The following AKT3 variants were observed in gnomAD, a reference collection of about 807,000 sequenced individuals.
AKT3 encodes the protein AKT serine/threonine kinase 3.
AKT3 carries 15 observed loss-of-function variants against 65.3 expected under a neutral mutation model. The observed-to-expected ratio is 0.23, with a 90% CI of 0.15 to 0.35. The LOEUF (loss-of-function observed/expected upper bound fraction) is 0.35, where lower values mean the gene tolerates loss of function less well. AKT3 is among the 10% of genes least tolerant of loss of function. The pLI, the probability that AKT3 is intolerant of heterozygous loss-of-function variation, is 1.00. For missense variants in AKT3, 243 were observed against 576.5 expected, an observed-to-expected ratio of 0.42 and a Z score of 5.92; for synonymous variants, 206 against 183.8, an observed-to-expected ratio of 1.12 and a Z score of -0.98.
Position 243,554,303 on chromosome 1 carries a change from C to T in AKT3, c.949-1360G>A, listed in dbSNP as rs187106786. On this transcript the variant is annotated intron_variant, in intron 10 of 13. Coordinates refer to ENST00000673466, the MANE Select transcript of AKT3 (RefSeq NM_005465.7). ...TTCAATTATATCAATGTTTGTTTTACGGCTAAAAAACTGAAAACTTCACTG... is the reference window on the plus strand; with the variant it reads ...TTCAATTATATCAATGTTTGTTTTATGGCTAAAAAACTGAAAACTTCACTG... Among the ~76,000 whole-genome samples the T allele has an allele frequency of 1.2e-4, 19 of 152,110 alleles. No individual in the cohort carries two copies. The East Asian group carries it at 1.9e-3, about 15-fold the overall frequency.
chr1:243,833,208 CACCACTGCACTTCAGCCTGGG>C (rs1694648652), intron 2 of AKT3, among the ~76,000 whole-genome samples: 2 of 152,138 alleles, frequency 1.3e-5, no homozygotes, highest in Admixed American at 1.3e-4. Context: ...GCCAAGATCA[CACCACTGCACTTCAGCCTGGG>C]TGATAGAGCA....
At chr1:243,835,757 G>C (rs943220788) in intron 2 of AKT3, among the ~76,000 whole-genome samples, 1 of 152,020 alleles carries the variant, frequency 6.6e-6, no homozygotes, top group Non-Finnish European at 1.5e-5. Flanking sequence ...AATGCATACT[G>C]TTAGTGGAAT....
At chr1:243,727,045 T>C (rs1440124189) in intron 2 of AKT3, among the ~76,000 whole-genome samples, 1 of 152,132 alleles carries the variant, frequency 6.6e-6, no homozygotes, top group Non-Finnish European at 1.5e-5. Context: ...ATTCCTTCCA[T>C]ACCCCCAGGT....
intron 13 of AKT3, among the ~76,000 whole-genome samples, chr1:243,508,571 T>C (rs1449850857): frequency 6.6e-6 from 1 of 151,956 alleles, no homozygotes; most frequent in African/African-American, 2.4e-5. Context: ...ACAGATGACA[T>C]TGCTGGGCTC....
downstream of AKT3, among the ~76,000 whole-genome samples, chr1:243,497,876 C>T (rs1357247856): frequency 6.6e-6 from 1 of 152,074 alleles, no homozygotes; most frequent in Non-Finnish European, 1.5e-5. Context: ...GAGATGAGGT[C>T]TCACTATGTT....
chr1:243,695,737 T>C, intron 2 of AKT3, 21 bp from the exon 3 acceptor site: 8 of 1,562,038 alleles, frequency 5.1e-6, no homozygotes, highest in African/African-American at 1.4e-5. Flanking sequence ...AAAGCACGCA[T>C]GTTAATGCTG....
Position 243,501,708 on chromosome 1 carries a change from A to C in AKT3, c.*3541T>G, listed in dbSNP as rs1373623366. 1 of 232,906 alleles carries C rather than the reference A, an allele frequency of 4.3e-6. No individual in the cohort carries two copies. Among genetic ancestry groups the C allele is most frequent in the East Asian group, 6.0e-5 (1 of 16,532 alleles). 14.4% of individuals were successfully genotyped at this position (232,906 alleles called of 1,614,324 possible). ...ATTAAAAATCATGTTTTCATTAAAGAAGATTTAATTTGGGGGGATTATAGA... is the reference window on the plus strand; with the variant it reads ...ATTAAAAATCATGTTTTCATTAAAGCAGATTTAATTTGGGGGGATTATAGA... On this transcript the variant is annotated 3_prime_UTR_variant, in exon 14 of 14. Transcript: ENST00000673466.
chr1:243,795,063 T>C (rs1691867683), intron 2 of AKT3, among the ~76,000 whole-genome samples: 1 of 152,166 alleles, frequency 6.6e-6, no homozygotes, highest in Non-Finnish European at 1.5e-5. Context: ...TTTTAAAGTT[T>C]TCTTTTGATC....
At chr1:243,645,357 G>T (rs977746468) in intron 5 of AKT3, among the ~76,000 whole-genome samples, 22 of 151,852 alleles carry the variant, frequency 1.4e-4, no homozygotes, top group African/African-American at 4.8e-4. Flanking sequence ...ATATAAATTC[G>T]TACTTATTAT....
chr1:243,517,356 A>G lies in AKT3; in HGVS notation c.1252-4930T>C, dbSNP rs578203224. On this transcript the variant is annotated intron_variant, in intron 12 of 13. Transcript: ENST00000673466. Reference sequence around the variant, plus strand: ...CTGATAGTATTGCCCAAGTTGCTATATAACCTTACCAATTTCTCTCCAATT... The same window carrying G: ...CTGATAGTATTGCCCAAGTTGCTATGTAACCTTACCAATTTCTCTCCAATT... 9.7e-4 allele frequency among the ~76,000 whole-genome samples: 147 copies of G among 152,330 alleles called. 1 individual carries two copies. Among genetic ancestry groups the G allele is most frequent in the African/African-American group, 3.5e-3 (144 of 41,580 alleles).
At chr1:243,667,766 T>A (rs1398487706) in intron 3 of AKT3, among the ~76,000 whole-genome samples, 5 of 152,206 alleles carry the variant, frequency 3.3e-5, no homozygotes, top group Non-Finnish European at 2.9e-5. Context: ...TCCTACGTGA[T>A]CTGACCCTCC....
intron 2 of AKT3, among the ~76,000 whole-genome samples, chr1:243,720,333 G>T (rs920851834): frequency 1.3e-5 from 2 of 149,792 alleles, no homozygotes; most frequent in Non-Finnish European, 3.0e-5. Context: ...AATAAAAATG[G>T]TTAAAAATGG....
At chr1:243,539,163 C>G (rs545741891) in intron 12 of AKT3, among the ~76,000 whole-genome samples, 1 of 152,134 alleles carries the variant, frequency 6.6e-6, no homozygotes, top group South Asian at 2.1e-4. Flanking sequence ...CCACGTACAC[C>G]CGGATTTTCT....
chr1:243,691,959 A>AG (rs533952015), intron 3 of AKT3, among the ~76,000 whole-genome samples: 3 of 152,320 alleles, frequency 2.0e-5, no homozygotes, highest in East Asian at 1.9e-4. Context: ...CCTAAGGGGT[A>AG]GGGGGGAACA....
intron 2 of AKT3, among the ~76,000 whole-genome samples, chr1:243,799,139 C>G (rs143498827): frequency 2.0e-5 from 3 of 152,138 alleles, no homozygotes; most frequent in Non-Finnish European, 4.4e-5. Flanking sequence ...TCTTTATATA[C>G]TGTGTGCTTG....
At position 243,544,273 on chromosome 1, in the gene AKT3, A is replaced by AG. The variant is rs759643884; in HGVS notation, c.1251+1236dup. ...AAAAAAAAAAAAAAAAAGCAGGGGG[A>AG]GGGGGGGACAGACATAATAATTTCC... On this transcript the variant is annotated intron_variant, in intron 12 of 13. Coordinates refer to ENST00000673466, the MANE Select transcript of AKT3 (RefSeq NM_005465.7). 4.7e-3 allele frequency among the ~76,000 whole-genome samples: 563 copies of AG among 120,008 alleles called. 1 individual carries two copies. The highest frequency in any genetic ancestry group is 0.013 in the Middle Eastern group (3 of 238). 78.7% of individuals were successfully genotyped at this position (120,008 alleles called of 152,430 possible). A position where few individuals can be genotyped will look rare whatever the true frequency, so the allele number is the denominator to read the frequency against.
chr1:243,523,301 A>G (rs1183617249), intron 12 of AKT3, among the ~76,000 whole-genome samples: 2 of 150,500 alleles, frequency 1.3e-5, no homozygotes, highest in Non-Finnish European at 1.5e-5. Flanking sequence ...ACACACACAC[A>G]CACACACCTT....
chr1:243,779,893 T>C lies in AKT3; in HGVS notation c.46+63232A>G, dbSNP rs150222069. Among the ~76,000 whole-genome samples, 717 of 152,128 alleles carry C rather than the reference T, an allele frequency of 4.7e-3. 5 individuals carry two copies. The highest frequency in any genetic ancestry group is 0.017 in the African/African-American group (693 of 41,532). ...CTTTCATGGGCCCAATCTAGAATCA[T>C]TTAAGCATTTCAAAATAAATGATGA... On this transcript the variant is annotated intron_variant, in intron 2 of 13. Transcript: ENST00000673466.
At chr1:243,660,569 T>C (rs1453478480) in intron 4 of AKT3, among the ~76,000 whole-genome samples, 2 of 152,154 alleles carry the variant, frequency 1.3e-5, no homozygotes, top group Non-Finnish European at 2.9e-5. Flanking sequence ...CTCAAAATAA[T>C]AAGAGCTATC....
Sources: gnomAD v4.1 joint callset for allele counts (sites outside exome capture counted in the v4.1 genomes callset) on GRCh38, gnomAD v4.1.1 for gene constraint, MANE v1.5 for transcripts, NCBI Gene and HGNC (gene_info 2026-07-23, HGNC 2026-07-21) for gene names.